OR8B3: variants seen among roughly 807,000 people sequenced by gnomAD.
OR8B3 encodes olfactory receptor family 8 subfamily B member 3.
For synonymous variants in OR8B3, 102 were observed against 135.4 expected (o/e 0.75, Z 1.71); for missense variants, 278 against 377.6 (o/e 0.74, Z 2.19).
chr11:124,398,014 T>A (rs564832430), intron 1 of OR8B3, among the ~76,000 whole-genome samples: 1 of 152,252 alleles, frequency 6.6e-6, no homozygotes, highest in South Asian at 2.1e-4. Flanking sequence ...TTTCTACTTA[T>A]GTTTCCATTA....
At chr11:124,401,835 G>A (rs1401242960), upstream of OR8B3, among the ~76,000 whole-genome samples, 1 of 152,168 alleles carries the variant, frequency 6.6e-6, no homozygotes, top group African/African-American at 2.4e-5. Flanking sequence ...CACCACAGAA[G>A]GCAGCACCTA....
At chr11:124,403,533 G>T (rs548021477), upstream of OR8B3, among the ~76,000 whole-genome samples, 1 of 151,490 alleles carries the variant, frequency 6.6e-6, no homozygotes, top group South Asian at 2.1e-4. Flanking sequence ...GGGCAGAGGC[G>T]CTCCCCACAT....
At chr11:124,403,840 C>T (rs556770061), upstream of OR8B3, among the ~76,000 whole-genome samples, 2 of 152,316 alleles carry the variant, frequency 1.3e-5, no homozygotes, top group South Asian at 2.1e-4. Flanking sequence ...ACTGAGTGAG[C>T]GAGACTCCGT....
chr11:124,397,924 A>ACCTCAGCCTCCCAAATGATGATCCACCTG (rs1860917921), intron 1 of OR8B3, among the ~76,000 whole-genome samples: 1 of 151,720 alleles, frequency 6.6e-6, no homozygotes, highest in Non-Finnish European at 1.5e-5. Context: ...CAAACTCCTG[A>ACCTCAGCCTCCCAAATGATGATCCACCTG]CCTCAGATGA....
Position 124,396,227 on chromosome 11 carries a change from T to C in OR8B3, c.*183A>G, listed in dbSNP as rs1450736873. 1.0e-5 allele frequency: 6 copies of C among 582,286 alleles called. No individual in the cohort carries two copies. In the African/African-American group the frequency reaches 1.1e-4, roughly 11 times the overall value. 36.1% of individuals were successfully genotyped at this position (582,286 alleles called of 1,614,324 possible). A position where few individuals can be genotyped will look rare whatever the true frequency, so the allele number is the denominator to read the frequency against. ...AGATGCCATGACCTATTTAGTAAAA[T>C]TGTGAGAAGTGCCAGAGATGCAAAA... On this transcript the variant is annotated 3_prime_UTR_variant, in exon 2 of 2. Transcript: ENST00000641139.
upstream of OR8B3, among the ~76,000 whole-genome samples, chr11:124,399,192 AATG>A (rs1296300073): frequency 3.9e-5 from 6 of 152,226 alleles, no homozygotes; most frequent in East Asian, 9.6e-4. Context: ...ATGTAAATGT[AATG>A]ATTGTCAGAA....
chr11:124,395,655 A>G lies in OR8B3; in HGVS notation c.*755T>C, dbSNP rs1344776767. On this transcript the variant is annotated 3_prime_UTR_variant, in exon 2 of 2. Coordinates refer to ENST00000641139, the MANE Select transcript of OR8B3 (RefSeq NM_001005467.2). Reference sequence around the variant, plus strand: ...TTCAAAATTTTCAATGCTGTTTTAGATAGCAATGAATGAAAGTTTTATAAT... The same window carrying G: ...TTCAAAATTTTCAATGCTGTTTTAGGTAGCAATGAATGAAAGTTTTATAAT... 1 of 152,222 alleles carries G rather than the reference A, an allele frequency of 6.6e-6. No homozygotes were observed. The highest frequency in any genetic ancestry group is 2.4e-5 in the African/African-American group (1 of 41,464). 9.4% of individuals were successfully genotyped at this position (152,222 alleles called of 1,614,324 possible).
chr11:124,397,876 G>T (rs1860917041), intron 1 of OR8B3, among the ~76,000 whole-genome samples: 2 of 151,944 alleles, frequency 1.3e-5, no homozygotes, highest in African/African-American at 2.4e-5. Flanking sequence ...TGTATTTTTA[G>T]TAGAGACAGT....
intron 1 of OR8B3, among the ~76,000 whole-genome samples, chr11:124,398,143 T>C (rs1860922822): frequency 6.6e-6 from 1 of 152,198 alleles, no homozygotes; most frequent in African/African-American, 2.4e-5. Flanking sequence ...GGTTTCTAGA[T>C]ACCTTACTAT....
the OR8B3 span, among the ~76,000 whole-genome samples, chr11:124,406,808 C>T: frequency 1.3e-5 from 2 of 151,598 alleles, no homozygotes; most frequent in Non-Finnish European, 2.9e-5. Context: ...CACACACACA[C>T]ACACACACAC....
At chr11:124,405,875 G>A in the OR8B3 span, among the ~76,000 whole-genome samples, 1 of 152,120 alleles carries the variant, frequency 6.6e-6, no homozygotes. Flanking sequence ...ACCTACCTTT[G>A]GATCCTTCTG....
upstream of OR8B3, among the ~76,000 whole-genome samples, chr11:124,401,343 C>T (rs1360551459): frequency 1.3e-5 from 2 of 152,088 alleles, no homozygotes; most frequent in Non-Finnish European, 1.5e-5. Context: ...ATCACAATCA[C>T]CTCTTACAGG....
chr11:124,397,117 G>C lies in OR8B3; in HGVS notation c.235C>G (p.Pro79Ala). 1 of 1,613,496 alleles carries C rather than the reference G, an allele frequency of 6.2e-7. No individual in the cohort carries two copies. The highest frequency in any genetic ancestry group is 8.5e-7 in the Non-Finnish European group (1 of 1,179,700). The change falls in exon 2 of 2, where the codon CCC (proline) becomes GCC (alanine). Residue 79 changes from proline to alanine, a missense_variant. By Grantham distance (27) the Pro-to-Ala change is conservative. Coordinates refer to ENST00000641139, the MANE Select transcript of OR8B3 (RefSeq NM_001005467.2). The part of the protein sequence containing the change: ...IDLCYSSVFT[P>A]KMLMNFVSKK... Reference sequence around the variant, plus strand: ...GATACAAAGTTCATTAGCATTTTGGGAGTGAAAACAGAGGAGTAACAGAGA... The same window carrying C: ...GATACAAAGTTCATTAGCATTTTGGCAGTGAAAACAGAGGAGTAACAGAGA...
At chr11:124,400,975 G>C (rs1860985205), upstream of OR8B3, among the ~76,000 whole-genome samples, 1 of 152,032 alleles carries the variant, frequency 6.6e-6, no homozygotes, top group Non-Finnish European at 1.5e-5. Context: ...CTTTACATCA[G>C]GCTTTGTGCT....
the OR8B3 span, among the ~76,000 whole-genome samples, chr11:124,406,984 T>A: frequency 3.2e-3 from 482 of 152,296 alleles, 5 homozygotes; most frequent in African/African-American, 0.011. Context: ...TCATTTTCCA[T>A]GAAGCAAATG....
chr11:124,407,938 T>C, the OR8B3 span, among the ~76,000 whole-genome samples: 1 of 152,206 alleles, frequency 6.6e-6, no homozygotes, highest in Non-Finnish European at 1.5e-5. Flanking sequence ...GTATCTTGCA[T>C]TTATTCATAT....
chr11:124,409,255 G>A, the OR8B3 span, among the ~76,000 whole-genome samples: 1 of 152,220 alleles, frequency 6.6e-6, no homozygotes, highest in Non-Finnish European at 1.5e-5. Flanking sequence ...ACAAATTTCT[G>A]TGGCAGCGCT....
At chr11:124,409,314 A>G in the OR8B3 span, among the ~76,000 whole-genome samples, 2 of 152,258 alleles carry the variant, frequency 1.3e-5, no homozygotes, top group Admixed American at 6.5e-5. Flanking sequence ...ATTTTACATT[A>G]AGAAAGATCT....
At chr11:124,403,558 G>A (rs533562101), upstream of OR8B3, among the ~76,000 whole-genome samples, 7 of 151,442 alleles carry the variant, frequency 4.6e-5, no homozygotes, top group South Asian at 2.1e-4. Context: ...GACGATGGGC[G>A]GCCGGGCAGA....
Sources: allele counts gnomAD v4.1 joint callset (sites outside exome capture counted in the v4.1 genomes callset), GRCh38; gene constraint gnomAD v4.1.1; transcripts MANE v1.5; gene names NCBI Gene and HGNC (gene_info 2026-07-23, HGNC 2026-07-21).